Variants in GALNT12 observed in about 807,000 individuals in gnomAD.
GALNT12 encodes polypeptide N-acetylgalactosaminyltransferase 12.
Under a neutral mutation model 55.5 loss-of-function variants are expected in GALNT12, and 45 were observed. That is an observed-to-expected ratio of 0.81 (90% CI 0.64 to 1.04). The LOEUF is 1.04. Among genes scored for constraint, GALNT12 ranks in the 50% least tolerant of loss-of-function variants. The probability of loss-of-function intolerance (pLI) is 0.00; values close to 1 mark genes in which losing one functional copy is unlikely to be tolerated. For synonymous variants in GALNT12, 304 were observed against 312.2 expected (o/e 0.97, Z 0.28); for missense variants, 709 against 754.8 (o/e 0.94, Z 0.71).
intron 2 of GALNT12, among the ~76,000 whole-genome samples, chr9:98,824,361 C>A (rs1835814230): frequency 6.6e-6 from 1 of 152,092 alleles, no homozygotes; most frequent in African/African-American, 2.4e-5. Flanking sequence ...GGTTTTTCAC[C>A]TCCTACTCAC....
chr9:98,819,671 C>T (rs1367623631), intron 1 of GALNT12, among the ~76,000 whole-genome samples: 1 of 152,096 alleles, frequency 6.6e-6, no homozygotes, highest in Non-Finnish European at 1.5e-5. Context: ...GAACTCATTC[C>T]AGGGAAGAGG....
intron 3 of GALNT12, among the ~76,000 whole-genome samples, chr9:98,829,153 T>TTTATCTATC (rs1554755714): frequency 1.4e-4 from 20 of 141,982 alleles, no homozygotes; most frequent in African/African-American, 5.3e-4. Context: ...GTAATTTTTT[T>TTTATCTATC]TATCTATCTA....
At position 98,849,201 on chromosome 9, in the gene GALNT12, G is replaced by A. The variant is rs1836494061; in HGVS notation, c.*109G>A. ...AACCCACCAAAAACTAGGCTGCATT[G>A]CTTTGAAGAGGCAATCATTTTGCCA... On this transcript the variant is annotated 3_prime_UTR_variant, in exon 10 of 10. Transcript: ENST00000375011. 1 of 1,079,454 alleles carries A rather than the reference G, an allele frequency of 9.3e-7. No homozygotes were observed. Among genetic ancestry groups the A allele is most frequent in the Non-Finnish European group, 1.4e-6 (1 of 709,220 alleles). The allele number at this position is 1,079,454 out of a possible 1,614,324, so 66.9% of individuals were successfully genotyped here.
At chr9:98,808,147 C>T in intron 1 of GALNT12, 78 bp downstream of exon 1, 2 of 1,257,662 alleles carry the variant, frequency 1.6e-6, no homozygotes, top group Admixed American at 4.0e-5. Context: ...AGTGGCAGGG[C>T]GGGGAGCTGG....
intron 8 of GALNT12, chr9:98,844,558 C>T (rs1456761063): frequency 1.7e-5 from 5 of 286,932 alleles, no homozygotes; most frequent in Non-Finnish European, 3.3e-5. Context: ...ATTACTGTTT[C>T]GTTAACTGGT....
rs1137654 is a variant in GALNT12 at position 98,808,054 on chromosome 9, A to T, written c.356A>T (p.Glu119Val). 0.083 allele frequency: 131,672 copies of T among 1,579,888 alleles called. 6,327 individuals are homozygous for T. Among genetic ancestry groups the T allele is most frequent in the Non-Finnish European group, 0.098 (113,989 of 1,165,962 alleles). Residue 119 changes from glutamate (E) to valine (V), a missense_variant, in exon 1 of 10, where the codon GAG becomes GTG. Glu to Val is a moderately radical substitution (Grantham distance 121). Around this residue, in one of 5 missense-constraint regions of GALNT12, gnomAD observed 315 missense variants for 288.6 expected, o/e 1.09. Transcript: ENST00000375011. ...ATCTCACTGCACCGCCGCCTGCCCG[A>T]GCGCTGGAACCCGCTGTGAGTGCAC... is the stretch of plus-strand genomic sequence containing the variant. The part of the protein sequence containing the change: ...DRISLHRRLP[E>V]RWNPLCKEKK...
intron 6 of GALNT12, among the ~76,000 whole-genome samples, chr9:98,839,237 C>T (rs1190704053): frequency 6.6e-6 from 1 of 152,204 alleles, no homozygotes; most frequent in Non-Finnish European, 1.5e-5. Context: ...TGACTTTCAC[C>T]AGTGAAAGAA....
intron 7 of GALNT12, among the ~76,000 whole-genome samples, chr9:98,841,691 G>A (rs553252708): frequency 4.0e-4 from 60 of 150,208 alleles, no homozygotes; most frequent in Non-Finnish European, 8.1e-4. Flanking sequence ...TTTTTTGAGA[G>A]AAAAGTCTTG....
intron 1 of GALNT12, among the ~76,000 whole-genome samples, chr9:98,820,417 G>T (rs1464617426): frequency 6.6e-6 from 1 of 152,174 alleles, no homozygotes; most frequent in Non-Finnish European, 1.5e-5. Context: ...CCTTGCAAAG[G>T]ACATAATCTC....
At chr9:98,811,224 AAAGTAAGGATT>A (rs1336827249) in intron 1 of GALNT12, among the ~76,000 whole-genome samples, 1 of 152,140 alleles carries the variant, frequency 6.6e-6, no homozygotes, top group African/African-American at 2.4e-5. Context: ...AGAACTAGAG[AAAGTAAGGATT>A]AATAACAGGT....
chr9:98,829,987 C>T lies in GALNT12; in HGVS notation c.732-1785C>T, dbSNP rs530771283. 6.4e-4 allele frequency among the ~76,000 whole-genome samples: 98 copies of T among 152,272 alleles called. 1 individual carries two copies. The highest frequency in any genetic ancestry group is 2.3e-3 in the African/African-American group (94 of 41,562). On this transcript the variant is annotated intron_variant, in intron 3 of 9. Coordinates refer to ENST00000375011, the MANE Select transcript of GALNT12 (RefSeq NM_024642.5). ...TGACTTCCTTTCTTTTGGATATGTA[C>T]GTAGGAGTAGAATTGCAGGATCATA...
chr9:98,823,372 C>T lies in GALNT12; in HGVS notation c.488C>T (p.Ser163Phe), dbSNP rs771521076. Reference protein sequence around the residue: ...LRTVYSVLETSPDILLEEVIL... With the variant: ...LRTVYSVLETFPDILLEEVIL... ...ACAGTTTACAGTGTCCTTGAGACAT[C>T]CCCGGATATCCTGCTAGAAGAAGTG... is the stretch of plus-strand genomic sequence containing the variant. The change falls in exon 2 of 10, where the codon TCC becomes TTC. Residue 163 changes from serine to phenylalanine, a missense_variant. By Grantham distance (155) the Ser-to-Phe change is radical. Transcript: ENST00000375011. 4 of 1,614,130 alleles carry T rather than the reference C, an allele frequency of 2.5e-6. No homozygotes were observed. Among genetic ancestry groups the T allele is most frequent in the Non-Finnish European group, 2.5e-6 (3 of 1,179,958 alleles).
chr9:98,825,496 G>C (rs1242711909), intron 2 of GALNT12, among the ~76,000 whole-genome samples: 2 of 152,280 alleles, frequency 1.3e-5, no homozygotes, highest in Non-Finnish European at 1.5e-5. Context: ...AGGGTGTCAG[G>C]CCCTCTCAGA....
intron 1 of GALNT12, among the ~76,000 whole-genome samples, chr9:98,817,025 A>C (rs972846011): frequency 1.3e-5 from 2 of 151,794 alleles, no homozygotes; most frequent in African/African-American, 4.8e-5. Context: ...ACGGGGTTTC[A>C]CCTTGTTAGC....
At chr9:98,845,208 G>C (rs1053738000) in intron 8 of GALNT12, among the ~76,000 whole-genome samples, 2 of 152,050 alleles carry the variant, frequency 1.3e-5, no homozygotes, top group African/African-American at 4.8e-5. Context: ...CAACACTACC[G>C]AATCCCAGAC....
intron 5 of GALNT12, 28 bp from the exon 6 acceptor site, chr9:98,836,944 C>T: frequency 1.9e-6 from 3 of 1,613,556 alleles, no homozygotes; most frequent in Non-Finnish European, 2.5e-6. Context: ...CTGCTCACCA[C>T]CTGGCCTCTC....
chr9:98,820,824 G>A (rs4743284), intron 1 of GALNT12, among the ~76,000 whole-genome samples: 82,674 of 151,998 alleles, frequency 0.54, 23,539 homozygotes, highest in African/African-American at 0.71. Flanking sequence ...CTTCTTATTG[G>A]TTCATTAAAG....
chr9:98,822,368 A>G (rs966749594), intron 1 of GALNT12, among the ~76,000 whole-genome samples: 1 of 152,208 alleles, frequency 6.6e-6, no homozygotes, highest in African/African-American at 2.4e-5. Flanking sequence ...GGAATTTGTC[A>G]TGTCACTCAG....
At chr9:98,813,557 G>A (rs1835542573) in intron 1 of GALNT12, among the ~76,000 whole-genome samples, 1 of 151,808 alleles carries the variant, frequency 6.6e-6, no homozygotes, top group Non-Finnish European at 1.5e-5. Context: ...GAGTGCAATG[G>A]TGCGATCTCA....
Sources: allele counts gnomAD v4.1 joint callset (sites outside exome capture counted in the v4.1 genomes callset), GRCh38; gene constraint gnomAD v4.1.1; regional missense constraint gnomAD v4.1.1; transcripts MANE v1.5; gene names NCBI Gene and HGNC (gene_info 2026-07-23, HGNC 2026-07-21).